The following GRID1 variants were observed in gnomAD, a reference collection of about 807,000 sequenced individuals.
GRID1 encodes glutamate receptor ionotropic, delta-1.
GRID1 carries 28 observed loss-of-function variants against 98.0 expected under a neutral mutation model. The observed-to-expected ratio is 0.29, with a 90% CI of 0.21 to 0.39. The LOEUF (loss-of-function observed/expected upper bound fraction) is 0.39. Ranked by LOEUF, GRID1 falls within the 10% of genes least tolerant of loss-of-function variation. The pLI, the probability that GRID1 is intolerant of heterozygous loss-of-function variation, is 1.00. For missense variants in GRID1, 1,111 were observed against 1,340.5 expected (o/e 0.83, Z 2.67); for synonymous variants, 553 against 538.5 (o/e 1.03, Z -0.37).
In GRID1 at chr10:85,602,518, T is replaced by C. The variant is rs1205694614; in HGVS notation, c.2785A>G (p.Thr929Ala). 1 of 1,613,808 alleles carries C rather than the reference T, an allele frequency of 6.2e-7. No individual in the cohort carries two copies. Among genetic ancestry groups the C allele is most frequent in the Non-Finnish European group, 8.5e-7 (1 of 1,180,006 alleles). ...TGGCTGCTCTGCTCTGGCAGAAAGGTGCTGACCGAGAGCTGGGTGTTCTGG... is the reference window on the plus strand; with the variant it reads ...TGGCTGCTCTGCTCTGGCAGAAAGGCGCTGACCGAGAGCTGGGTGTTCTGG... ...EYQNTQLSVSTFLPEQSSHGT... is the reference protein window; with the variant it reads ...EYQNTQLSVSAFLPEQSSHGT... The change falls in exon 16 of 16, where the codon ACC (threonine) becomes GCC (alanine). Residue 929 changes from threonine to alanine, a missense_variant. Physicochemically the swap from Thr to Ala is moderately conservative, Grantham distance 58 (BLOSUM62 0). Coordinates refer to ENST00000327946, the MANE Select transcript of GRID1 (RefSeq NM_017551.3).
chr10:86,083,545 A>G (rs1176312040), intron 4 of GRID1, among the ~76,000 whole-genome samples: 2 of 152,258 alleles, frequency 1.3e-5, no homozygotes, highest in Non-Finnish European at 2.9e-5. Context: ...ACATTGCACG[A>G]AGCGATGGGG....
intron 8 of GRID1, among the ~76,000 whole-genome samples, chr10:85,828,633 A>C (rs74696643): frequency 6.7e-6 from 1 of 150,066 alleles, no homozygotes; most frequent in African/African-American, 2.5e-5. Flanking sequence ...ACTGAAATGC[A>C]AAAAAAAACC....
chr10:85,679,731 TGAG>T lies in GRID1; in HGVS notation c.1998-32337_1998-32335del, dbSNP rs563787515. 2.0e-5 allele frequency among the ~76,000 whole-genome samples: 3 copies of T among 152,284 alleles called. No homozygotes were observed. In the East Asian group the frequency reaches 5.8e-4, roughly 29 times the overall value. ...CCAGAGAAAATACCATCCTGCTAGC[TGAG>T]AAGAAGCAACAAGAAGCTAGTGATA... On this transcript the variant is annotated intron_variant, in intron 12 of 15. Coordinates refer to ENST00000327946, the MANE Select transcript of GRID1 (RefSeq NM_017551.3).
Position 85,981,733 on chromosome 10 carries a change from C to G in GRID1, c.727-65494G>C, listed in dbSNP as rs150328707. Among the ~76,000 whole-genome samples the G allele has an allele frequency of 3.1e-4, 47 of 152,316 alleles. No homozygotes were observed. The East Asian group carries it at 6.2e-3, about 20-fold the overall frequency. On this transcript the variant is annotated intron_variant, in intron 4 of 15. Transcript: ENST00000327946. ...GTTCATTCACTAGATGCTCCAGGCA[C>G]CTACTATGTGTCGGATGCTGTTGCA...
At chr10:86,356,614 G>A (rs564384718) in intron 2 of GRID1, among the ~76,000 whole-genome samples, 10 of 152,346 alleles carry the variant, frequency 6.6e-5, no homozygotes, top group East Asian at 3.9e-4. Context: ...CCCACTGACC[G>A]GCAATGGACA....
chr10:85,634,607 AGGTCCTCAAT>A (rs1843015244), intron 13 of GRID1, among the ~76,000 whole-genome samples: 1 of 152,210 alleles, frequency 6.6e-6, no homozygotes, highest in African/African-American at 2.4e-5. Flanking sequence ...ACGCCACAAA[AGGTCCTCAAT>A]GGTGAAGATA....
intron 12 of GRID1, among the ~76,000 whole-genome samples, chr10:85,673,080 G>A (rs1841105699): frequency 6.6e-6 from 1 of 152,210 alleles, no homozygotes; most frequent in Non-Finnish European, 1.5e-5. Context: ...CCTGATGGAT[G>A]ACTTTGAGAG....
chr10:85,667,201 G>A (rs73326658), intron 12 of GRID1, among the ~76,000 whole-genome samples: 2,933 of 152,152 alleles, frequency 0.019, 85 homozygotes, highest in African/African-American at 0.067. Context: ...TGGGAAGCCC[G>A]TCTATTCTTT....
At chr10:86,218,371 G>A (rs1846206185) in intron 2 of GRID1, among the ~76,000 whole-genome samples, 1 of 152,042 alleles carries the variant, frequency 6.6e-6, no homozygotes, top group South Asian at 2.1e-4. Context: ...GCCCTCAGCT[G>A]TCTAGTCTCT....
chr10:86,058,435 T>C (rs1490392677), intron 4 of GRID1, among the ~76,000 whole-genome samples: 1 of 152,222 alleles, frequency 6.6e-6, no homozygotes. Flanking sequence ...TCTTTTAAGA[T>C]AACTTTCAGC....
intron 2 of GRID1, among the ~76,000 whole-genome samples, chr10:86,285,488 A>T (rs915014884): frequency 6.6e-6 from 1 of 152,190 alleles, no homozygotes; most frequent in African/African-American, 2.4e-5. Flanking sequence ...TGCTGTTTAA[A>T]TGCCCCAGCC....
chr10:85,608,885 C>T (rs945544105), intron 15 of GRID1, among the ~76,000 whole-genome samples: 1 of 152,188 alleles, frequency 6.6e-6, no homozygotes, highest in Non-Finnish European at 1.5e-5. Context: ...TACTCTCATG[C>T]TAAGCCATTT....
chr10:85,955,274 C>T (rs1564634700), intron 4 of GRID1, among the ~76,000 whole-genome samples: 1 of 152,152 alleles, frequency 6.6e-6, no homozygotes, highest in Admixed American at 6.5e-5. Context: ...TTAGGGTCAG[C>T]ATCAAGATGG....
intron 3 of GRID1, among the ~76,000 whole-genome samples, chr10:86,159,526 G>T (rs569092148): frequency 1.3e-5 from 2 of 151,978 alleles, no homozygotes; most frequent in African/African-American, 4.8e-5. Flanking sequence ...TAGGTGTATA[G>T]GTGGCTGTAC....
intron 2 of GRID1, among the ~76,000 whole-genome samples, chr10:86,298,483 C>A (rs1847627166): frequency 6.6e-6 from 1 of 151,050 alleles, no homozygotes; most frequent in African/African-American, 2.5e-5. Context: ...TCACTCCCTG[C>A]ACTCCAGAAC....
intron 8 of GRID1, among the ~76,000 whole-genome samples, chr10:85,734,615 T>G (rs138186822): frequency 1.4e-3 from 218 of 152,310 alleles, no homozygotes; most frequent in African/African-American, 5.0e-3. Flanking sequence ...ACATCAAAGT[T>G]CAACTATGTT....
intron 5 of GRID1, among the ~76,000 whole-genome samples, chr10:85,900,960 T>C (rs1455774259): frequency 6.6e-6 from 1 of 152,114 alleles, no homozygotes; most frequent in Admixed American, 6.5e-5. Flanking sequence ...AAGACATTAA[T>C]AAGTATTGCA....
At chr10:85,808,620 C>T (rs899219712) in intron 8 of GRID1, among the ~76,000 whole-genome samples, 1 of 152,108 alleles carries the variant, frequency 6.6e-6, no homozygotes, top group African/African-American at 2.4e-5. Flanking sequence ...GAGGTTATGC[C>T]TTCAGTGCAA....
intron 6 of GRID1, among the ~76,000 whole-genome samples, chr10:85,866,446 T>A (rs1423273963): frequency 1.4e-5 from 1 of 72,652 alleles, no homozygotes; most frequent in Non-Finnish European, 3.2e-5. Context: ...TTATTTGGGA[T>A]TTTTTTTTTT....
Sources: gnomAD v4.1 joint callset for allele counts (sites outside exome capture counted in the v4.1 genomes callset) on GRCh38, gnomAD v4.1.1 for gene constraint, MANE v1.5 for transcripts, NCBI Gene and HGNC (gene_info 2026-07-23, HGNC 2026-07-21) for gene names.